The following ABCC1 variants were observed in gnomAD, a reference collection of about 807,000 sequenced individuals.
ABCC1 encodes multidrug resistance-associated protein 1.
ABCC1 carries 83 observed loss-of-function variants against 172.9 expected under a neutral mutation model. That is an observed-to-expected ratio of 0.48 (90% CI 0.40 to 0.58). The LOEUF (loss-of-function observed/expected upper bound fraction) is 0.58. ABCC1 is among the 20% of genes least tolerant of loss of function. The probability of loss-of-function intolerance (pLI) is 0.00; values close to 1 mark genes in which losing one functional copy is unlikely to be tolerated. For missense variants in ABCC1, 1,817 were observed against 2,002.7 expected (o/e 0.91, Z 1.77); for synonymous variants, 937 against 825.2 (o/e 1.14, Z -2.32).
At chr16:16,070,016 GAGTGAGACTCA>G in intron 13 of ABCC1, among the ~76,000 whole-genome samples, 1 of 152,252 alleles carries the variant, frequency 6.6e-6, no homozygotes, top group Middle Eastern at 3.4e-3. Context: ...CTGGGCGACT[GAGTGAGACTCA>G]GTCTCCAAGA....
chr16:15,950,168 GCTT>G lies in ABCC1; in HGVS notation c.48+372_48+374del, dbSNP rs560638009. The stretch of plus-strand genomic sequence containing the variant: ...GGGGCGGGAAGAGGGGTGTCTCTCT[GCTT>G]CTGTTTTCCCATCTTTTTTGTGGTT... On this transcript the variant is annotated intron_variant, in intron 1 of 30. Transcript: ENST00000399410. Among the ~76,000 whole-genome samples the G allele has an allele frequency of 7.2e-5, 11 of 152,246 alleles. No individual in the cohort carries two copies. In the East Asian group the frequency reaches 2.1e-3, roughly 29 times the overall value.
At chr16:16,025,146 A>C (rs1271151434) in intron 5 of ABCC1, among the ~76,000 whole-genome samples, 1 of 152,196 alleles carries the variant, frequency 6.6e-6, no homozygotes, top group African/African-American at 2.4e-5. Context: ...ACAAATCACC[A>C]GTGTTTACGT....
rs182752194 is a variant in ABCC1, at chr16:15,949,804, G to A, written c.48+5G>A. ...GATGGCTCCGACCCGCTCTGGGTAC[G>A]TGCCGGGGGCCGCGTGAGGCCGGCG... On this transcript the variant is annotated splice_donor_5th_base_variant and intron_variant, in intron 1 of 30. Coordinates refer to ENST00000399410, the MANE Select transcript of ABCC1 (RefSeq NM_004996.4). 2,484 of 1,194,894 alleles carry A rather than the reference G, an allele frequency of 2.1e-3. 13 individuals are homozygous for A. The highest frequency in any genetic ancestry group is 2.8e-3 in the Admixed American group (63 of 22,368). 74.0% of individuals were successfully genotyped at this position (1,194,894 alleles called of 1,614,324 possible). A position where few individuals can be genotyped will look rare whatever the true frequency, so the allele number is the denominator to read the frequency against.
intron 1 of ABCC1, among the ~76,000 whole-genome samples, chr16:15,976,334 A>G (rs2046491600): frequency 6.6e-6 from 1 of 152,212 alleles, no homozygotes; most frequent in South Asian, 2.1e-4. Flanking sequence ...CCTAAGTGCC[A>G]GGGACTGTTG....
intron 20 of ABCC1, 37 bp downstream of exon 20, chr16:16,102,754 T>C: frequency 6.5e-7 from 1 of 1,543,164 alleles, no homozygotes; most frequent in Non-Finnish European, 8.8e-7. Context: ...CTAAGGACCC[T>C]GCCCTGCCAG....
At chr16:16,073,087 T>C (rs2050416788) in intron 14 of ABCC1, among the ~76,000 whole-genome samples, 1 of 151,534 alleles carries the variant, frequency 6.6e-6, no homozygotes, top group African/African-American at 2.4e-5. Flanking sequence ...TGGCACTAAG[T>C]GCAGTGACAC....
At chr16:16,058,887 C>T (rs1322962782) in intron 12 of ABCC1, among the ~76,000 whole-genome samples, 2 of 152,096 alleles carry the variant, frequency 1.3e-5, no homozygotes, top group Non-Finnish European at 1.5e-5. Context: ...AACTCCTGAC[C>T]TCAGGAGATC....
At chr16:16,110,937 G>T (rs1284904529) in intron 21 of ABCC1, among the ~76,000 whole-genome samples, 1 of 152,118 alleles carries the variant, frequency 6.6e-6, no homozygotes, top group Admixed American at 6.5e-5. Context: ...GTCTCACTCT[G>T]TCGCCCAGGC....
chr16:15,964,903 C>G (rs1043915856), intron 1 of ABCC1, among the ~76,000 whole-genome samples: 1 of 152,188 alleles, frequency 6.6e-6, no homozygotes, highest in Admixed American at 6.5e-5. Flanking sequence ...TTCAGTGTGT[C>G]TTTCTGAGTC....
chr16:15,973,374 G>T (rs1273161104), intron 1 of ABCC1, among the ~76,000 whole-genome samples: 1 of 152,122 alleles, frequency 6.6e-6, no homozygotes, highest in South Asian at 2.1e-4. Flanking sequence ...GGGAGCGCAC[G>T]CCTAGAGTCT....
chr16:15,988,625 C>T (rs1189531322), intron 1 of ABCC1, among the ~76,000 whole-genome samples: 1 of 152,164 alleles, frequency 6.6e-6, no homozygotes, highest in African/African-American at 2.4e-5. Flanking sequence ...GTGTCAGCTT[C>T]ATAGGACGGG....
In ABCC1 at chr16:16,033,182, C is replaced by A. The variant is rs1282870749; in HGVS notation, c.677+12C>A. The A allele has an allele frequency of 6.2e-7, 1 of 1,610,278 alleles. No homozygotes were observed. Among genetic ancestry groups the A allele is most frequent in the Non-Finnish European group, 8.5e-7 (1 of 1,178,042 alleles). ...TGGTGGATCACAGGGTAAGGCCAGG[C>A]CCCCCAGACCTCAGGGAGGTGGTGG... is the stretch of plus-strand genomic sequence containing the variant. On this transcript the variant is annotated intron_variant, in intron 6 of 30. Transcript: ENST00000399410.
At chr16:15,986,345 T>C (rs1409422511) in intron 1 of ABCC1, among the ~76,000 whole-genome samples, 3 of 152,182 alleles carry the variant, frequency 2.0e-5, no homozygotes, top group Non-Finnish European at 4.4e-5. Flanking sequence ...CCCCAACTCC[T>C]GGGCCATGAA....
At chr16:16,089,722 A>T (rs1208405447) in intron 18 of ABCC1, among the ~76,000 whole-genome samples, 1 of 151,924 alleles carries the variant, frequency 6.6e-6, no homozygotes, top group Admixed American at 6.6e-5. Flanking sequence ...TACAACAACA[A>T]AAAAATCAGC....
intron 19 of ABCC1, 40 bp from the exon 20 acceptor site, chr16:16,102,587 C>T (rs2051813242): frequency 1.3e-6 from 2 of 1,544,972 alleles, no homozygotes; most frequent in African/African-American, 1.4e-5. Context: ...GCATCTGCCT[C>T]ATATAACCCC....
At chr16:15,983,103 G>A (rs2151594233) in intron 1 of ABCC1, among the ~76,000 whole-genome samples, 1 of 152,234 alleles carries the variant, frequency 6.6e-6, no homozygotes, top group East Asian at 1.9e-4. Context: ...GTACCATGAA[G>A]TTGTTAAATG....
chr16:16,001,645 A>G (rs2047315433), intron 1 of ABCC1, among the ~76,000 whole-genome samples: 1 of 152,188 alleles, frequency 6.6e-6, no homozygotes, highest in African/African-American at 2.4e-5. Context: ...ATTGCTTTTA[A>G]ATCCATATGG....
intron 1 of ABCC1, among the ~76,000 whole-genome samples, chr16:16,004,559 C>T (rs1374890893): frequency 3.3e-5 from 5 of 152,108 alleles, no homozygotes; most frequent in Admixed American, 6.6e-5. Context: ...GTTCCAAATA[C>T]GCCAGGCCAA....
At chr16:15,975,970 T>A (rs574531229) in intron 1 of ABCC1, among the ~76,000 whole-genome samples, 1 of 152,136 alleles carries the variant, frequency 6.6e-6, no homozygotes, top group African/African-American at 2.4e-5. Context: ...AAGAGACACT[T>A]AGAACTCAAC....
Sources: gnomAD v4.1 joint callset for allele counts (sites outside exome capture counted in the v4.1 genomes callset) on GRCh38, gnomAD v4.1.1 for gene constraint, MANE v1.5 for transcripts, NCBI Gene and HGNC (gene_info 2026-07-23, HGNC 2026-07-21) for gene names.